The following PALLD variants were observed in gnomAD, a reference collection of about 807,000 sequenced individuals.
The protein encoded by PALLD is palladin, cytoskeletal associated protein.
A neutral mutation model predicts 123.5 loss-of-function variants in PALLD; 61 were observed. The observed-to-expected ratio is 0.49, with a 90% CI of 0.40 to 0.61. PALLD has a LOEUF of 0.61. PALLD is among the 20% of genes least tolerant of loss of function. PALLD has a pLI of 0.00. For synonymous variants in PALLD, 465 were observed against 496.4 expected (o/e 0.94, Z 0.84); for missense variants, 1,273 against 1,377.0 (o/e 0.92, Z 1.20).
At chr4:168,718,050 C>T (rs779823209) in intron 10 of PALLD, among the ~76,000 whole-genome samples, 89 of 152,154 alleles carry the variant, frequency 5.8e-4, no homozygotes, top group Non-Finnish European at 1.1e-3. Context: ...CATCAGATGC[C>T]AGACTTGTGG....
chr4:168,773,223 G>T (rs748229537), intron 10 of PALLD, among the ~76,000 whole-genome samples: 4 of 152,172 alleles, frequency 2.6e-5, no homozygotes, highest in Non-Finnish European at 4.4e-5. Flanking sequence ...GTGAATAACT[G>T]TAAAGCCATG....
chr4:168,556,262 AT>A (rs1186163810), intron 2 of PALLD, among the ~76,000 whole-genome samples: 5 of 151,788 alleles, frequency 3.3e-5, no homozygotes, highest in African/African-American at 1.2e-4. Flanking sequence ...CGCCCGGCTA[AT>A]TTTTTGTATT....
chr4:168,539,475 C>A (rs1463808477), intron 2 of PALLD, among the ~76,000 whole-genome samples: 2 of 152,068 alleles, frequency 1.3e-5, no homozygotes, highest in Non-Finnish European at 2.9e-5. Flanking sequence ...GTAATCCCAG[C>A]TACTCAGGAG....
At chr4:168,580,350 G>A (rs1290323292) in intron 2 of PALLD, among the ~76,000 whole-genome samples, 2 of 151,758 alleles carry the variant, frequency 1.3e-5, no homozygotes, top group African/African-American at 4.8e-5. Context: ...AGACATACAT[G>A]TGGCCACCAA....
At chr4:168,814,010 G>T (rs1581606924) in intron 10 of PALLD, among the ~76,000 whole-genome samples, 1 of 152,254 alleles carries the variant, frequency 6.6e-6, no homozygotes, top group South Asian at 2.1e-4. Flanking sequence ...ATAGAATCAA[G>T]TTAAAGTAAA....
chr4:168,865,289 C>T (rs1390460437), intron 10 of PALLD, among the ~76,000 whole-genome samples: 1 of 152,242 alleles, frequency 6.6e-6, no homozygotes, highest in Non-Finnish European at 1.5e-5. Flanking sequence ...TGCTGCTAGG[C>T]TGCATCTCTT....
intron 10 of PALLD, among the ~76,000 whole-genome samples, chr4:168,885,888 A>G (rs1753267778): frequency 1.3e-5 from 2 of 152,242 alleles, no homozygotes; most frequent in African/African-American, 4.8e-5. Context: ...CACCATTGCT[A>G]TAAATTGTCC....
chr4:168,902,181 T>C (rs1047301307), intron 14 of PALLD, among the ~76,000 whole-genome samples: 3 of 152,236 alleles, frequency 2.0e-5, no homozygotes, highest in Non-Finnish European at 4.4e-5. Flanking sequence ...TGTCAGTTTA[T>C]GTTACCAATT....
rs544500192 is a variant in PALLD at position 168,808,235 on chromosome 4, A to C, written c.1965-82687A>C. On this transcript the variant is annotated intron_variant, in intron 10 of 21. Coordinates refer to ENST00000505667, the MANE Select transcript of PALLD (RefSeq NM_001166108.2). Reference sequence around the variant, plus strand: ...GTGGCTCATGCCTGTAATCCCAGCAATTTGGGAGGCTGAGGTGGGCGGATC... The same window carrying C: ...GTGGCTCATGCCTGTAATCCCAGCACTTTGGGAGGCTGAGGTGGGCGGATC... 6.6e-5 allele frequency among the ~76,000 whole-genome samples: 10 copies of C among 151,518 alleles called. No individual in the cohort carries two copies. In the East Asian group the frequency reaches 1.6e-3, roughly 24 times the overall value.
At chr4:168,706,329 A>G (rs543197771) in intron 8 of PALLD, among the ~76,000 whole-genome samples, 1 of 152,360 alleles carries the variant, frequency 6.6e-6, no homozygotes, top group East Asian at 1.9e-4. Flanking sequence ...CACAAAATTA[A>G]TAATAGAACA....
chr4:168,525,780 A>G (rs1046801980), intron 2 of PALLD, among the ~76,000 whole-genome samples: 1 of 152,214 alleles, frequency 6.6e-6, no homozygotes, highest in African/African-American at 2.4e-5. Flanking sequence ...TATGAGAGCT[A>G]TTGTGTTTGG....
chr4:168,716,990 A>G (rs1785424334), intron 10 of PALLD, among the ~76,000 whole-genome samples: 1 of 152,118 alleles, frequency 6.6e-6, no homozygotes. Flanking sequence ...ATCTCAGCTT[A>G]ATGTCACCAC....
intron 2 of PALLD, among the ~76,000 whole-genome samples, chr4:168,637,943 CAAA>C (rs11416996): frequency 2.2e-4 from 13 of 60,440 alleles, no homozygotes; most frequent in African/African-American, 8.1e-4. Context: ...GAATACATCT[CAAA>C]AAAAAAAAAA....
chr4:168,520,327 CAAAAAAAA>C (rs1554034658), intron 2 of PALLD, among the ~76,000 whole-genome samples: 2 of 101,620 alleles, frequency 2.0e-5, no homozygotes, highest in South Asian at 3.7e-4. Flanking sequence ...ATTCCGTCAC[CAAAAAAAA>C]AAAAAAAAAA....
intron 2 of PALLD, among the ~76,000 whole-genome samples, chr4:168,660,383 G>A (rs561130426): frequency 6.6e-6 from 1 of 152,258 alleles, no homozygotes; most frequent in African/African-American, 2.4e-5. Context: ...GACCAAGTCA[G>A]CAGTCACATT....
chr4:168,883,113 C>T (rs75734522), intron 10 of PALLD, among the ~76,000 whole-genome samples: 7,660 of 150,586 alleles, frequency 0.051, 255 homozygotes, highest in Middle Eastern at 0.075. Flanking sequence ...AAGTAACCCA[C>T]GTGCCTTTGT....
At chr4:168,649,853 G>C (rs1047576375) in intron 2 of PALLD, among the ~76,000 whole-genome samples, 14 of 152,104 alleles carry the variant, frequency 9.2e-5, no homozygotes, top group Non-Finnish European at 1.9e-4. Context: ...TTTTTCTTCA[G>C]GTTTCTCTTT....
chr4:168,707,438 G>A (rs944301060), intron 8 of PALLD, among the ~76,000 whole-genome samples: 1 of 152,174 alleles, frequency 6.6e-6, no homozygotes, highest in African/African-American at 2.4e-5. Context: ...GTCTAGGATG[G>A]TCTCTTTTGG....
At chr4:168,798,386 G>A (rs536200917) in intron 10 of PALLD, among the ~76,000 whole-genome samples, 2 of 152,158 alleles carry the variant, frequency 1.3e-5, no homozygotes, top group East Asian at 3.9e-4. Context: ...TTAAAAATTT[G>A]CAAGTGTCAT....
Sources: allele counts gnomAD v4.1 joint callset (sites outside exome capture counted in the v4.1 genomes callset), GRCh38; gene constraint gnomAD v4.1.1; transcripts MANE v1.5; gene names NCBI Gene and HGNC (gene_info 2026-07-23, HGNC 2026-07-21).